Variants in ZACN observed in about 807,000 individuals in gnomAD.
ZACN encodes ligand-gated cation channel ZACN.
A neutral mutation model predicts 38.9 loss-of-function variants in ZACN; 52 were observed. The observed-to-expected ratio is 1.34, with a 90% CI of 1.07 to 1.68. The LOEUF is 1.68. Ranked by LOEUF, ZACN falls within the 40% of genes most tolerant of loss-of-function variation. The pLI is 0.00. For missense variants in ZACN, 559 were observed against 525.6 expected (o/e 1.06, Z -0.62); for synonymous variants, 235 against 227.4 (o/e 1.03, Z -0.30).
chr17:76,080,472 T>G, intron 5 of ZACN, 48 bp downstream of exon 5: 1 of 1,599,790 alleles, frequency 6.3e-7, no homozygotes. Flanking sequence ...AGGAGGAAGG[T>G]GGGGGAGGGG....
intron 3 of ZACN, 63 bp from the exon 4 acceptor site, chr17:76,079,825 G>A (rs2066921499): frequency 1.2e-6 from 2 of 1,600,096 alleles, no homozygotes; most frequent in East Asian, 2.2e-5. Flanking sequence ...TCATCAACAT[G>A]CTGAGCTTAG....
chr17:76,081,893 A>G lies in ZACN; in HGVS notation c.892A>G (p.Thr298Ala), dbSNP rs1454876052. The stretch of plus-strand genomic sequence containing the variant: ...CCTGCCTCCCCCAGTTTACTACTTC[A>G]CCATCCTGCTGCTGCTGCTCTTCCT... ...SCNPLLIYYFTILLLLLFLST... is the reference protein window; with the variant it reads ...SCNPLLIYYFAILLLLLFLST... The change falls in exon 8 of 9, where the codon ACC becomes GCC. Residue 298 changes from threonine (T) to alanine (A), a missense_variant. Physicochemically the swap from Thr to Ala is moderately conservative, Grantham distance 58. Coordinates refer to ENST00000334586, the MANE Select transcript of ZACN (RefSeq NM_180990.4). 6.2e-7 allele frequency: 1 copy of G among 1,609,658 alleles called. No individual in the cohort carries two copies. The highest frequency in any genetic ancestry group is 8.5e-7 in the Non-Finnish European group (1 of 1,177,448).
rs775524345 is a variant in ZACN, at chr17:76,079,317, C to T, written c.53C>T (p.Thr18Ile). The change falls in exon 1 of 9, where the codon ACC becomes ATC. Residue 18 changes from threonine (T) to isoleucine (I), a missense_variant. By Grantham distance (89) the Thr-to-Ile change is moderately conservative. Coordinates refer to ENST00000334586, the MANE Select transcript of ZACN (RefSeq NM_180990.4). ...CTCACCTTCCTGGGGTTCAGCATTA[C>T]CTTGCTGTTGGTCCACGGGCAGGGC... ...LHLTFLGFSITLLLVHGQGFQ... is the reference protein window; with the variant it reads ...LHLTFLGFSIILLLVHGQGFQ... The T allele has an allele frequency of 1.3e-5, 21 of 1,614,020 alleles. No individual in the cohort carries two copies. In the African/African-American group the frequency reaches 2.7e-4, roughly 21 times the overall value.
chr17:76,081,654 A>G lies in ZACN; in HGVS notation c.779A>G (p.Glu260Gly), dbSNP rs2066982396. The change falls in exon 7 of 9, where the codon GAG (glutamate) becomes GGG (glycine). Residue 260 changes from glutamate to glycine, a missense_variant. Glu to Gly is a moderately conservative substitution (Grantham distance 98). Coordinates refer to ENST00000334586, the MANE Select transcript of ZACN (RefSeq NM_180990.4). Reference sequence around the variant, plus strand: ...GGGTTGCTGCCCCTCCGGGCCATTGAGCGCATAGGCTACAAGGTGACATTG... The same window carrying G: ...GGGTTGCTGCCCCTCCGGGCCATTGGGCGCATAGGCTACAAGGTGACATTG... ...CGGLLPLRAI[E>G]RIGYKVTLLL... 6.2e-7 allele frequency: 1 copy of G among 1,613,972 alleles called. No homozygotes were observed. Among genetic ancestry groups the G allele is most frequent in the Non-Finnish European group, 8.5e-7 (1 of 1,180,020 alleles).
In ZACN at chr17:76,082,742, AC is replaced by A. The variant is rs1452402422; in HGVS notation, c.*92del. ...CATGACAGGGCCTCTGGATTAAGCCACCCTGAGCTCTCCCTCCGCTAGCACA... is the reference window on the plus strand; with the variant it reads ...CATGACAGGGCCTCTGGATTAAGCCACCTGAGCTCTCCCTCCGCTAGCACA... On this transcript the variant is annotated 3_prime_UTR_variant, in exon 9 of 9. Coordinates refer to ENST00000334586, the MANE Select transcript of ZACN (RefSeq NM_180990.4). The A allele has an allele frequency of 1.5e-6, 2 of 1,307,556 alleles. No homozygotes were observed. Among genetic ancestry groups the A allele is most frequent in the African/African-American group, 3.0e-5 (2 of 67,352 alleles). The allele number at this position is 1,307,556 out of a possible 1,614,324, so 81.0% of individuals were successfully genotyped here. A position where few individuals can be genotyped will look rare whatever the true frequency, so the allele number is the denominator to read the frequency against.
In ZACN at chr17:76,081,876, C is replaced by T. The variant is rs772689861; in HGVS notation, c.881-6C>T. ...TGAGCATCTCCCTGTGCCCTGCCTC[C>T]CCCAGTTTACTACTTCACCATCCTG... On this transcript the variant is annotated splice_polypyrimidine_tract_variant and splice_region_variant and intron_variant, in intron 7 of 8. Transcript: ENST00000334586. 1 of 1,608,598 alleles carries T rather than the reference C, an allele frequency of 6.2e-7. No individual in the cohort carries two copies. The highest frequency in any genetic ancestry group is 8.5e-7 in the Non-Finnish European group (1 of 1,176,280).
In ZACN at chr17:76,080,237, T is replaced by G; in HGVS notation, c.375-18T>G. The G allele has an allele frequency of 6.2e-7, 1 of 1,603,622 alleles. No homozygotes were observed. The highest frequency in any genetic ancestry group is 8.5e-7 in the Non-Finnish European group (1 of 1,174,200). ...CAAGAAGGGGCTGGGGCTCTGGCTGTGGTGCCTTTCCCCACAGGCTCTGGG... is the reference window on the plus strand; with the variant it reads ...CAAGAAGGGGCTGGGGCTCTGGCTGGGGTGCCTTTCCCCACAGGCTCTGGG... On this transcript the variant is annotated intron_variant, in intron 4 of 8. Coordinates refer to ENST00000334586, the MANE Select transcript of ZACN (RefSeq NM_180990.4).
rs763477841 is a variant in ZACN at position 76,079,744 on chromosome 17, C to T, written c.265C>T (p.Leu89=). Residue 89 remains leucine, a splice_region_variant and synonymous_variant, in exon 3 of 9, where the codon CTG becomes TTG. Transcript: ENST00000334586. ...AATGTCCTCCATGCTGCTGCTTAGG[C>T]TGGTGAGCTCCTATGCCTGGGGAGG... ...YTMSSMLLLR[L]SWLDTRLAWN... The T allele has an allele frequency of 6.2e-6, 10 of 1,613,336 alleles. No individual in the cohort carries two copies. Among genetic ancestry groups the T allele is most frequent in the Admixed American group, 1.7e-5 (1 of 59,936 alleles).
In ZACN at chr17:76,080,330, C is replaced by T. The variant is rs2066929027; in HGVS notation, c.450C>T (p.Ala150=). 6.2e-7 allele frequency: 1 copy of T among 1,613,912 alleles called. No homozygotes were observed. The highest frequency in any genetic ancestry group is 8.5e-7 in the Non-Finnish European group (1 of 1,179,888). Residue 150 remains alanine (A), a synonymous_variant, in exon 5 of 9, where the codon GCC becomes GCT. Transcript: ENST00000334586. The stretch of plus-strand genomic sequence containing the variant: ...ACGGCCACGTGAAGCTCAACCTGGC[C>T]CTCGCCACGGAGACCAACTGCAACT... The part of the protein sequence containing the change: ...DQDGHVKLNL[A]LATETNCNFE...
intron 5 of ZACN, 41 bp from the exon 6 acceptor site, chr17:76,081,237 T>C: frequency 6.2e-7 from 1 of 1,609,696 alleles, no homozygotes; most frequent in East Asian, 2.2e-5. Flanking sequence ...GCAGCTGGGA[T>C]CTCTCCTTCC....
At chr17:76,079,382 TA>T in intron 1 of ZACN, 21 bp downstream of exon 1, 1 of 1,614,076 alleles carries the variant, frequency 6.2e-7, no homozygotes, top group Non-Finnish European at 8.5e-7. Context: ...GGCAAGGTCA[TA>T]AGCTTTGGGA....
In ZACN at chr17:76,079,474, A is replaced by C. The variant is rs771191745; in HGVS notation, c.133A>C (p.Lys45Gln). 6.2e-7 allele frequency: 1 copy of C among 1,614,166 alleles called. No homozygotes were observed. Among genetic ancestry groups the C allele is most frequent in the Non-Finnish European group, 8.5e-7 (1 of 1,180,030 alleles). The change falls in exon 2 of 9, where the codon AAG becomes CAG. Residue 45 changes from lysine (K) to glutamine (Q), a missense_variant. Lys to Gln is a moderately conservative substitution (Grantham distance 53). Transcript: ENST00000334586. ...PSLFNVNLSK[K>Q]VQESIQIPNN... ...CCTCTTCAACGTCAACTTGTCCAAG[A>C]AGGTTCAGGAAAGCATCCAGATCCC...
At chr17:76,080,447 A>G (rs1224112264) in intron 5 of ZACN, 23 bp downstream of exon 5, 2 of 1,607,962 alleles carry the variant, frequency 1.2e-6, no homozygotes, top group Non-Finnish European at 1.7e-6. Context: ...CAGGGGCTGC[A>G]GGGTTGAGGA....
intron 4 of ZACN, 49 bp downstream of exon 4, chr17:76,080,043 T>C (rs1456056288): frequency 6.7e-7 from 1 of 1,496,586 alleles, no homozygotes; most frequent in Non-Finnish European, 9.0e-7. Flanking sequence ...ATAGCCCTCC[T>C]TTTCCCCCAT....
intron 5 of ZACN, 36 bp from the exon 6 acceptor site, chr17:76,081,242 C>G (rs374504468): frequency 7.4e-6 from 12 of 1,611,032 alleles, no homozygotes; most frequent in Non-Finnish European, 9.3e-6. Context: ...TGGGATCTCT[C>G]CTTCCTGGTT....
rs2066914482 is a variant in ZACN, at chr17:76,079,262, C to T, written c.-3C>T. ...TGCTCCCTCCAGTCCCTCCGTGCAG[C>T]CGATGATGGCCCTATGGTCCCTGCT... On this transcript the variant is annotated 5_prime_UTR_variant, in exon 1 of 9. Transcript: ENST00000334586. 1 of 1,610,370 alleles carries T rather than the reference C, an allele frequency of 6.2e-7. No homozygotes were observed. The highest frequency in any genetic ancestry group is 2.2e-5 in the East Asian group (1 of 44,772).
In ZACN at chr17:76,081,549, G is replaced by A. The variant is rs758791520; in HGVS notation, c.674G>A (p.Arg225Lys). Residue 225 changes from arginine to lysine, a missense_variant, in exon 7 of 9, where the codon AGG becomes AAG. Coordinates refer to ENST00000334586, the MANE Select transcript of ZACN (RefSeq NM_180990.4). The stretch of plus-strand genomic sequence containing the variant: ...CCCTGACTTTTCCCCTTCCAGCTGA[G>A]GCTGAAGAACACGGCGCTCAAGTCC... ...QLVPCFQVTLRLKNTALKSII... is the reference protein window; with the variant it reads ...QLVPCFQVTLKLKNTALKSII... 8.7e-6 allele frequency: 14 copies of A among 1,613,336 alleles called. No individual in the cohort carries two copies. The highest frequency in any genetic ancestry group is 1.3e-5 in the African/African-American group (1 of 74,934).
Position 76,079,279 on chromosome 17 carries a change from G to C in ZACN, c.15G>C (p.Trp5Cys). Residue 5 changes from tryptophan (W) to cysteine (C), a missense_variant, in exon 1 of 9, where the codon TGG (tryptophan) becomes TGC (cysteine). Trp to Cys is a radical substitution (Grantham distance 215). Transcript: ENST00000334586. ...CCGTGCAGCCGATGATGGCCCTATG[G>C]TCCCTGCTCCATCTCACCTTCCTGG... Reference protein sequence around the residue: MMALWSLLHLTFLGF... With the variant: MMALCSLLHLTFLGF... The C allele has an allele frequency of 6.2e-7, 1 of 1,613,718 alleles. No individual in the cohort carries two copies.
rs548448874 is a variant in ZACN at position 76,080,021 on chromosome 17, A to G, written c.374+27A>G. The G allele has an allele frequency of 1.0e-4, 162 of 1,548,530 alleles. 1 individual carries two copies. The highest frequency in any genetic ancestry group is 1.3e-4 in the Non-Finnish European group (150 of 1,145,708). ...TAAGTGAGACAGTTCCTGCCCCAGG[A>G]ATCTGCCATGCATAGCCCTCCTTTT... On this transcript the variant is annotated intron_variant, in intron 4 of 8. Coordinates refer to ENST00000334586, the MANE Select transcript of ZACN (RefSeq NM_180990.4).
Sources: gnomAD v4.1 joint callset for allele counts on GRCh38, gnomAD v4.1.1 for gene constraint, MANE v1.5 for transcripts, NCBI Gene and HGNC (gene_info 2026-07-23, HGNC 2026-07-21) for gene names.